ITIH5: variants seen among roughly 807,000 people sequenced by gnomAD.
ITIH5 encodes the protein inter-alpha-trypsin inhibitor heavy chain 5.
Under a neutral mutation model 77.5 loss-of-function variants are expected in ITIH5, and 65 were observed. That is an observed-to-expected ratio of 0.84 (90% CI 0.69 to 1.03). The LOEUF is 1.03. Among genes scored for constraint, ITIH5 ranks in the 50% least tolerant of loss-of-function variants. ITIH5 has a pLI of 0.00. For synonymous variants in ITIH5, 525 were observed against 494.3 expected (o/e 1.06, Z -0.82); for missense variants, 1,208 against 1,213.1 (o/e 1.00, Z 0.06).
Position 7,580,051 on chromosome 10 carries a change from G to A in ITIH5, c.1122C>T (p.Asn374=), listed in dbSNP as rs111320316. 58 of 1,601,736 alleles carry A rather than the reference G, an allele frequency of 3.6e-5. No individual in the cohort carries two copies. The African/African-American group carries it at 3.9e-4, about 11-fold the overall frequency. The change falls in exon 9 of 14, where the codon AAC becomes AAT. Residue 374 remains asparagine (N), a synonymous_variant. Transcript: ENST00000397146. ...GCCTGATGGCCCTCTGCAGGGCCCC[G>A]TTGATGTCTGTGCCTGCAGGACACC... is the stretch of plus-strand genomic sequence containing the variant. ...HMSPTGGTDI[N]GALQRAIRLL...
chr10:7,586,509 A>G (rs11255208), intron 7 of ITIH5, among the ~76,000 whole-genome samples: 44,421 of 151,924 alleles, frequency 0.29, 6,868 homozygotes, highest in East Asian at 0.49. Flanking sequence ...AAAGCCCTCA[A>G]TGCATTCCTA....
chr10:7,566,886 A>G (rs562733495), intron 12 of ITIH5, among the ~76,000 whole-genome samples: 1 of 120,932 alleles, frequency 8.3e-6, no homozygotes, highest in African/African-American at 3.4e-5. Context: ...AAGAAGAAGA[A>G]GAAGAAGAAG....
intron 13 of ITIH5, 106 bp from the exon 14 acceptor site, chr10:7,563,490 G>A (rs1250458619): frequency 5.1e-6 from 5 of 985,162 alleles, no homozygotes; most frequent in Non-Finnish European, 7.5e-6. Flanking sequence ...ACTGGCCACA[G>A]CCCGAGACTG....
chr10:7,649,561 C>T (rs1022979724), intron 2 of ITIH5, among the ~76,000 whole-genome samples: 4 of 152,008 alleles, frequency 2.6e-5, no homozygotes, highest in African/African-American at 9.7e-5. Flanking sequence ...TAGATAGATA[C>T]CTTGACTATA....
chr10:7,628,008 G>A (rs111346100), intron 5 of ITIH5, among the ~76,000 whole-genome samples: 28,666 of 151,290 alleles, frequency 0.19, 3,131 homozygotes, highest in Non-Finnish European at 0.25. Flanking sequence ...AGCCCAGCTC[G>A]TTTTTGTATT....
intron 1 of ITIH5, 54 bp from the exon 2 acceptor site, chr10:7,655,729 G>A (rs865885417): frequency 1.5e-6 from 2 of 1,360,168 alleles, no homozygotes; most frequent in Non-Finnish European, 2.1e-6. Context: ...GAAGAGACAT[G>A]AAATATGATT....
chr10:7,651,712 G>A (rs1834104055), intron 2 of ITIH5, among the ~76,000 whole-genome samples: 1 of 152,026 alleles, frequency 6.6e-6, no homozygotes, highest in Non-Finnish European at 1.5e-5. Context: ...CTGACAACTA[G>A]AGACCAACCC....
intron 7 of ITIH5, among the ~76,000 whole-genome samples, chr10:7,604,052 C>T (rs1472786880): frequency 6.6e-6 from 1 of 152,198 alleles, no homozygotes; most frequent in East Asian, 1.9e-4. Context: ...GCTTCCCAGG[C>T]ACCTCCAGGT....
chr10:7,582,155 G>T (rs893151499), intron 8 of ITIH5, among the ~76,000 whole-genome samples: 1 of 152,264 alleles, frequency 6.6e-6, no homozygotes, highest in South Asian at 2.1e-4. Flanking sequence ...ATTACTGGCA[G>T]GGGCCACAGC....
intron 7 of ITIH5, among the ~76,000 whole-genome samples, chr10:7,602,224 T>G (rs1833030426): frequency 6.6e-6 from 1 of 152,204 alleles, no homozygotes; most frequent in African/African-American, 2.4e-5. Flanking sequence ...TATCCATTCT[T>G]CAACTACCAC....
At chr10:7,655,594 G>A (rs769802933) in intron 2 of ITIH5, 37 bp downstream of exon 2, 2 of 1,537,078 alleles carry the variant, frequency 1.3e-6, no homozygotes, top group Non-Finnish European at 1.8e-6. Context: ...GAAGAATGAG[G>A]GAATGGACTT....
chr10:7,563,053 CATGCACTTGCATCTTTA>C lies in ITIH5; in HGVS notation c.*13_*29del, dbSNP rs1214446877. On this transcript the variant is annotated 3_prime_UTR_variant, in exon 14 of 14. Coordinates refer to ENST00000397146, the MANE Select transcript of ITIH5 (RefSeq NM_030569.7). ...ACGGCCTCCCCACATCACTGTCCTT[CATGCACTTGCATCTTTA>C]AGGCTGCCAGCTTCAGAGCTCCCTG... The C allele has an allele frequency of 1.4e-5, 23 of 1,602,834 alleles. No homozygotes were observed. Among genetic ancestry groups the C allele is most frequent in the Non-Finnish European group, 1.9e-5 (22 of 1,169,734 alleles).
At chr10:7,576,293 G>A (rs1044167401) in intron 10 of ITIH5, among the ~76,000 whole-genome samples, 160 bp downstream of exon 10, 1 of 152,146 alleles carries the variant, frequency 6.6e-6, no homozygotes, top group Non-Finnish European at 1.5e-5. Flanking sequence ...CAAAGTGCTG[G>A]GATTACAGGT....
At chr10:7,596,877 G>A (rs886675175) in intron 7 of ITIH5, among the ~76,000 whole-genome samples, 3 of 151,466 alleles carry the variant, frequency 2.0e-5, no homozygotes, top group Middle Eastern at 3.4e-3. Flanking sequence ...GCAAAACCCC[G>A]TCTCTACTAA....
At chr10:7,616,966 G>A in intron 6 of ITIH5, 147 bp downstream of exon 6, 3 of 506,148 alleles carry the variant, frequency 5.9e-6, no homozygotes, top group Non-Finnish European at 1.0e-5. Context: ...AATACCGCTA[G>A]TCTCTTTGAA....
chr10:7,664,412 A>C (rs1834328380), intron 1 of ITIH5, among the ~76,000 whole-genome samples: 1 of 151,922 alleles, frequency 6.6e-6, no homozygotes, highest in African/African-American at 2.4e-5. Flanking sequence ...AAAAAAAAAA[A>C]AAACTAAAAT....
intron 7 of ITIH5, among the ~76,000 whole-genome samples, chr10:7,611,915 T>TTTTC (rs1833253281): frequency 7.0e-6 from 1 of 143,154 alleles, no homozygotes; most frequent in Admixed American, 6.7e-5. Flanking sequence ...CACCTGCAAT[T>TTTTC]TTTTTTTTTT....
chr10:7,598,259 C>CA (rs1832948956), intron 7 of ITIH5, among the ~76,000 whole-genome samples: 1 of 151,762 alleles, frequency 6.6e-6, no homozygotes, highest in African/African-American at 2.4e-5. Context: ...AGAAGATAAC[C>CA]AAAAAAGGTG....
intron 4 of ITIH5, 32 bp from the exon 5 acceptor site, chr10:7,637,510 G>C: frequency 6.2e-7 from 1 of 1,605,982 alleles, no homozygotes; most frequent in East Asian, 2.2e-5. Flanking sequence ...ACCCCAGGGA[G>C]GTTCGGAAGA....
Sources: gnomAD v4.1 joint callset for allele counts (sites outside exome capture counted in the v4.1 genomes callset) on GRCh38, gnomAD v4.1.1 for gene constraint, MANE v1.5 for transcripts, NCBI Gene and HGNC (gene_info 2026-07-23, HGNC 2026-07-21) for gene names.